TENM2: variants seen among roughly 807,000 people sequenced by gnomAD.
TENM2 encodes the protein teneurin-2.
TENM2 carries 52 observed loss-of-function variants against 245.2 expected under a neutral mutation model. The observed-to-expected ratio is 0.21, with a 90% CI of 0.17 to 0.27. The LOEUF is 0.27. Ranked by LOEUF, TENM2 falls within the 10% of genes least tolerant of loss-of-function variation. The pLI is 1.00. For missense variants in TENM2, 3,046 were observed against 3,666.8 expected, an observed-to-expected ratio of 0.83 and a Z score of 4.37; for synonymous variants, 1,363 against 1,438.9, an observed-to-expected ratio of 0.95 and a Z score of 1.19.
intron 1 of TENM2, among the ~76,000 whole-genome samples, chr5:167,363,915 A>T (rs1759877633): frequency 6.6e-6 from 1 of 152,082 alleles, no homozygotes; most frequent in Non-Finnish European, 1.5e-5. Flanking sequence ...GAAAAGCAAT[A>T]TCAGTTTTAT....
chr5:167,158,639 C>T, the TENM2 span, among the ~76,000 whole-genome samples: 2 of 152,134 alleles, frequency 1.3e-5, no homozygotes, highest in African/African-American at 4.8e-5. Context: ...CTTATATCTT[C>T]ACATAATAGA....
At chr5:167,596,869 T>C (rs1776254695) in intron 2 of TENM2, among the ~76,000 whole-genome samples, 1 of 151,914 alleles carries the variant, frequency 6.6e-6, no homozygotes, top group Non-Finnish European at 1.5e-5. Context: ...TTAGGACTTC[T>C]GCATTCGGTT....
chr5:167,039,620 A>G, the TENM2 span, among the ~76,000 whole-genome samples: 2 of 151,862 alleles, frequency 1.3e-5, no homozygotes, highest in Admixed American at 6.6e-5. Flanking sequence ...TTAACAAAAA[A>G]AAATGTTGCA....
the TENM2 span, among the ~76,000 whole-genome samples, chr5:167,164,334 G>C: frequency 6.6e-6 from 1 of 152,226 alleles, no homozygotes; most frequent in South Asian, 2.1e-4. Flanking sequence ...GTAAGCACAT[G>C]AGAGATTATC....
At chr5:167,597,170 T>C (rs200005794) in intron 2 of TENM2, among the ~76,000 whole-genome samples, 3 of 148,324 alleles carry the variant, frequency 2.0e-5, no homozygotes, top group Non-Finnish European at 3.0e-5. Flanking sequence ...CTTTTCTTTT[T>C]TTTTTTTTTT....
chr5:167,228,619 G>A, the TENM2 span, among the ~76,000 whole-genome samples: 2 of 147,460 alleles, frequency 1.4e-5, no homozygotes, highest in African/African-American at 2.6e-5. Flanking sequence ...TGTTCTCTTA[G>A]AGGTGCAATA....
intron 11 of TENM2, among the ~76,000 whole-genome samples, chr5:168,126,067 G>GCAT (rs1235042772): frequency 5.3e-5 from 8 of 152,334 alleles, no homozygotes; most frequent in African/African-American, 1.7e-4. Flanking sequence ...ACCAGAGAGT[G>GCAT]CATATCTGTC....
At chr5:167,215,294 G>T in the TENM2 span, among the ~76,000 whole-genome samples, 1 of 152,272 alleles carries the variant, frequency 6.6e-6, no homozygotes, top group South Asian at 2.1e-4. Context: ...TAATTGGTGT[G>T]GGGCAGGATG....
chr5:167,044,315 A>G, the TENM2 span, among the ~76,000 whole-genome samples: 4 of 152,216 alleles, frequency 2.6e-5, no homozygotes, highest in Admixed American at 2.0e-4. Context: ...TGGCTCCAGC[A>G]TCTTGACTTA....
At chr5:167,513,124 T>C (rs1290160566) in intron 2 of TENM2, among the ~76,000 whole-genome samples, 1 of 152,074 alleles carries the variant, frequency 6.6e-6, no homozygotes, top group African/African-American at 2.4e-5. Context: ...TCCATTGGGG[T>C]TTAGGCTATT....
chr5:168,021,259 C>T (rs888502128), intron 5 of TENM2, among the ~76,000 whole-genome samples: 18 of 152,198 alleles, frequency 1.2e-4, no homozygotes, highest in African/African-American at 4.3e-4. Flanking sequence ...CATGAGGGCA[C>T]TGGTTTCAGG....
intron 2 of TENM2, among the ~76,000 whole-genome samples, chr5:167,565,934 G>GGTTT (rs904933807): frequency 3.3e-5 from 5 of 152,064 alleles, no homozygotes; most frequent in African/African-American, 9.7e-5. Flanking sequence ...CTGGAAAAGT[G>GGTTT]GTTTGTTTGT....
At chr5:167,484,017 G>A (rs1263961948) in intron 2 of TENM2, among the ~76,000 whole-genome samples, 1 of 152,120 alleles carries the variant, frequency 6.6e-6, no homozygotes, top group Non-Finnish European at 1.5e-5. Context: ...GTACATATAT[G>A]TATGTCTTGG....
At chr5:167,652,842 A>G (rs114984712) in intron 2 of TENM2, among the ~76,000 whole-genome samples, 3 of 152,128 alleles carry the variant, frequency 2.0e-5, no homozygotes, top group Non-Finnish European at 2.9e-5. Flanking sequence ...TTTCGCTTTT[A>G]TTACAGGTTA....
intron 2 of TENM2, among the ~76,000 whole-genome samples, chr5:167,536,154 T>C (rs1771825911): frequency 6.6e-6 from 1 of 152,148 alleles, no homozygotes; most frequent in Admixed American, 6.5e-5. Context: ...CACCTGTAAA[T>C]AGTCTAATAA....
In TENM2 at chr5:168,190,363, G is replaced by T; in HGVS notation, c.2596G>T (p.Asp866Tyr). The change falls in exon 14 of 29, where the codon GAC becomes TAC. Residue 866 changes from aspartate to tyrosine, a missense_variant. Physicochemically the swap from Asp to Tyr is radical, Grantham distance 160. Around this residue, in one of 2 missense-constraint regions of TENM2, gnomAD observed 2,704 missense variants for 3,331.9 expected, o/e 0.81. Coordinates refer to ENST00000518659, the Ensembl canonical transcript of TENM2. ...TGGCCTGGTGGATTGTTTGGACCCT[G>T]ACTGCTGCCTGCAGTCAGCCTGTCA... 4 of 1,613,798 alleles carry T rather than the reference G, an allele frequency of 2.5e-6. No individual in the cohort carries two copies. The South Asian group carries it at 4.4e-5, about 18-fold the overall frequency.
At chr5:168,102,821 T>C (rs575554310) in intron 9 of TENM2, among the ~76,000 whole-genome samples, 1 of 152,330 alleles carries the variant, frequency 6.6e-6, no homozygotes, top group South Asian at 2.1e-4. Context: ...CATCAGATAT[T>C]GTGCAAAGTA....
At position 168,247,275 on chromosome 5, in the gene TENM2, C is replaced by T. The variant is rs1440633744; in HGVS notation, c.6336C>T (p.Leu2112=). The T allele has an allele frequency of 1.9e-6, 3 of 1,613,994 alleles. No homozygotes were observed. The highest frequency in any genetic ancestry group is 2.5e-6 in the Non-Finnish European group (3 of 1,179,898). Residue 2112 remains leucine (L), a synonymous_variant, in exon 27 of 29, where the codon CTC becomes CTT. Transcript: ENST00000518659. This position sits in a 1 kb window ranked among gnomAD's most constrained non-coding sequence, Gnocchi z 7.8. ...AGCCCGTCATAAGTGAGACTCCCCTCCCCGTTGACCTCTACCGCTATGATG... is the reference window on the plus strand; with the variant it reads ...AGCCCGTCATAAGTGAGACTCCCCTTCCCGTTGACCTCTACCGCTATGATG...
At chr5:167,213,077 C>A in the TENM2 span, among the ~76,000 whole-genome samples, 2 of 152,184 alleles carry the variant, frequency 1.3e-5, no homozygotes, top group Admixed American at 6.5e-5. Flanking sequence ...ATCTTTAACA[C>A]CAGCTAAACT....
Sources: allele counts gnomAD v4.1 joint callset (sites outside exome capture counted in the v4.1 genomes callset), GRCh38; gene constraint gnomAD v4.1.1; regional missense constraint gnomAD v4.1.1; non-coding constraint Gnocchi (gnomAD v3.1); transcripts MANE v1.5; gene names NCBI Gene and HGNC (gene_info 2026-07-23, HGNC 2026-07-21).